Variants in DUOX2 observed in about 807,000 individuals in gnomAD.
DUOX2 encodes dual oxidase 2.
Under a neutral mutation model 183.3 loss-of-function variants are expected in DUOX2, and 185 were observed. The observed-to-expected ratio is 1.01, with a 90% CI of 0.90 to 1.14. DUOX2 has a LOEUF of 1.14. Ranked by LOEUF, DUOX2 falls within the 50% of genes most tolerant of loss-of-function variation. DUOX2 has a pLI of 0.00. For synonymous variants in DUOX2, 788 were observed against 812.4 expected (o/e 0.97, Z 0.51); for missense variants, 1,999 against 2,022.9 (o/e 0.99, Z 0.23).
rs374103492 is a variant in DUOX2 at position 45,097,640 on chromosome 15, G to T, written c.3667C>A (p.His1223Asn). The change falls in exon 28 of 34, where the codon CAC becomes AAC. Residue 1223 changes from histidine to asparagine, a missense_variant. This residue lies in a region of DUOX2 where 1,628 missense variants were observed against 1,608.6 expected (regional missense o/e 1.01). Transcript: ENST00000389039. ...AGGGCATAGAGCAGGATGTAGAGGT[G>T]GTGGGTCAGCCAGAAGCCCCGGAAG... is the stretch of plus-strand genomic sequence containing the variant. ...RSFRGFWLTH[H>N]LYILLYALLI... 14 of 1,613,904 alleles carry T rather than the reference G, an allele frequency of 8.7e-6. No individual in the cohort carries two copies. The South Asian group carries it at 9.9e-5, about 11-fold the overall frequency.
rs1015715892 is a variant in DUOX2, at chr15:45,095,676, G to A, written c.4081-81C>T. The A allele has an allele frequency of 6.2e-6, 10 of 1,601,254 alleles. No homozygotes were observed. In the East Asian group the frequency reaches 2.2e-4, roughly 36 times the overall value. ...AGAAACGGAGACACAGGCAGAGGGA[G>A]GATACAGAACATCCTAGTCTTTTCT... On this transcript the variant is annotated intron_variant, in intron 30 of 33. Coordinates refer to ENST00000389039, the MANE Select transcript of DUOX2 (RefSeq NM_001363711.2).
intron 11 of DUOX2, 79 bp downstream of exon 11, chr15:45,109,445 G>T: frequency 8.1e-7 from 1 of 1,232,858 alleles, no homozygotes; most frequent in Non-Finnish European, 1.2e-6. Flanking sequence ...GAGCGCCCTA[G>T]GTCTGCTATT....
rs886051192 is a variant in DUOX2, at chr15:45,099,489, G to A, written c.3416-7C>T. 3 of 1,613,552 alleles carry A rather than the reference G, an allele frequency of 1.9e-6. No homozygotes were observed. The highest frequency in any genetic ancestry group is 2.2e-5 in the East Asian group (1 of 44,864). On this transcript the variant is annotated splice_polypyrimidine_tract_variant and splice_region_variant and intron_variant, in intron 25 of 33. Transcript: ENST00000389039. ...TGGCCAGCACTGTGCAAAACTGGAAGAGACAGACCCTGTTAGAGATGCCAA... is the reference window on the plus strand; with the variant it reads ...TGGCCAGCACTGTGCAAAACTGGAAAAGACAGACCCTGTTAGAGATGCCAA...
intron 33 of DUOX2, 66 bp downstream of exon 33, chr15:45,094,497 C>T: frequency 1.3e-6 from 2 of 1,565,476 alleles, no homozygotes. Flanking sequence ...TGGCAGGGTG[C>T]TTCAGGGCCA....
Position 45,110,648 on chromosome 15 carries a change from A to C in DUOX2, c.943+2T>G. The C allele has an allele frequency of 6.2e-7, 1 of 1,612,800 alleles. No homozygotes were observed. Among genetic ancestry groups the C allele is most frequent in the South Asian group, 1.1e-5 (1 of 91,012 alleles). On this transcript the variant is annotated splice_donor_variant, in intron 8 of 33. Coordinates refer to ENST00000389039, the MANE Select transcript of DUOX2 (RefSeq NM_001363711.2). LOFTEE classifies it high-confidence loss of function. ...AGGTGTCCTCCTTCCCCGCTCCCTC[A>C]CCTGTATACTCCGGGAGTGTTTTCT...
Position 45,106,242 on chromosome 15 carries a change from C to T in DUOX2, c.2031G>A (p.Arg677=), listed in dbSNP as rs199896919. The T allele has an allele frequency of 8.1e-6, 13 of 1,614,108 alleles. No individual in the cohort carries two copies. The highest frequency in any genetic ancestry group is 1.1e-5 in the Non-Finnish European group (13 of 1,180,018). ...LSDRCLQVLN[R]HLTVLRVVQL... ...GGACCACACGGAGCACAGTGAGATG[C>T]CTGTTCAGGACCTGCAGACACCTGT... Residue 677 remains arginine, a synonymous_variant, in exon 17 of 34, where the codon AGG becomes AGA. Transcript: ENST00000389039.
Position 45,098,036 on chromosome 15 carries a change from A to G in DUOX2, c.3538T>C (p.Tyr1180His). Residue 1180 changes from tyrosine to histidine, a missense_variant, in exon 27 of 34, where the codon TAT (tyrosine) becomes CAT (histidine). Tyr to His is a moderately conservative substitution (Grantham distance 83, BLOSUM62 2). This residue lies in a region of DUOX2 where 1,628 missense variants were observed against 1,608.6 expected (regional missense o/e 1.01). Transcript: ENST00000389039. ...GGGACGGTCTGGAAGAACCACCAAT[A>G]GAACTTCTGGGGAAGCTTGGACCTG... ...NDGSKLPQKF[Y>H]WWFFQTVPGM... The G allele has an allele frequency of 1.9e-6, 3 of 1,614,086 alleles. No homozygotes were observed. Among genetic ancestry groups the G allele is most frequent in the Non-Finnish European group, 2.5e-6 (3 of 1,179,974 alleles).
At chr15:45,104,923 C>T (rs371774939) in intron 18 of DUOX2, among the ~76,000 whole-genome samples, 185 of 152,288 alleles carry the variant, frequency 1.2e-3, no homozygotes, top group African/African-American at 4.2e-3. Context: ...CGGGTTCAAG[C>T]GATTCTCCTG....
At chr15:45,107,280 C>G in intron 14 of DUOX2, 65 bp downstream of exon 14, 1 of 1,591,576 alleles carries the variant, frequency 6.3e-7, no homozygotes, top group Non-Finnish European at 8.6e-7. Context: ...GTGATTCCCC[C>G]GCACCCTCAA....
At chr15:45,109,745 TG>T in intron 10 of DUOX2, 119 bp from the exon 11 acceptor site, 2 of 1,319,682 alleles carry the variant, frequency 1.5e-6, no homozygotes, top group Non-Finnish European at 2.2e-6. Context: ...TCTCTTGAAC[TG>T]TTGTCCCCGG....
chr15:45,099,494 A>C lies in DUOX2; in HGVS notation c.3416-12T>G. ...AGCACTGTGCAAAACTGGAAGAGAC[A>C]GACCCTGTTAGAGATGCCAACCAGG... On this transcript the variant is annotated splice_polypyrimidine_tract_variant and intron_variant, in intron 25 of 33. Coordinates refer to ENST00000389039, the MANE Select transcript of DUOX2 (RefSeq NM_001363711.2). 6.2e-7 allele frequency: 1 copy of C among 1,613,010 alleles called. No individual in the cohort carries two copies. Among genetic ancestry groups the C allele is most frequent in the Non-Finnish European group, 8.5e-7 (1 of 1,179,386 alleles).
chr15:45,104,496 C>A lies in DUOX2; in HGVS notation c.2335-131G>T. 5 of 1,224,976 alleles carry A rather than the reference C, an allele frequency of 4.1e-6. No individual in the cohort carries two copies. The South Asian group carries it at 7.2e-5, about 18-fold the overall frequency. The allele number at this position is 1,224,976 out of a possible 1,614,324, so 75.9% of individuals were successfully genotyped here. ...CTAAACTCTGATGGTTCTCCTGATC[C>A]TTAGATATACTGACTGGGGCCTCTG... is the stretch of plus-strand genomic sequence containing the variant. On this transcript the variant is annotated intron_variant, in intron 18 of 33. Coordinates refer to ENST00000389039, the MANE Select transcript of DUOX2 (RefSeq NM_001363711.2).
At chr15:45,110,850 T>C (rs1894373870) in intron 7 of DUOX2, 140 bp from the exon 8 acceptor site, 2 of 1,261,026 alleles carry the variant, frequency 1.6e-6, no homozygotes, top group Admixed American at 4.2e-5. Flanking sequence ...ACAGGAGCAG[T>C]GTGAGGCCTG....
intron 11 of DUOX2, 171 bp downstream of exon 11, chr15:45,109,353 C>CAA (rs11362140): frequency 3.4e-4 from 192 of 570,548 alleles, no homozygotes; most frequent in Middle Eastern, 4.5e-4. Flanking sequence ...GTAAATTAAG[C>CAA]AAAAAAAAAA....
Position 45,111,970 on chromosome 15 carries a change from C to A in DUOX2, c.326-15G>T, listed in dbSNP as rs775801675. ...AACATGGTAGCCTGCGGGCATGGGG[C>A]GCCAATACGTGACAAACCGTCCGTA... is the stretch of plus-strand genomic sequence containing the variant. On this transcript the variant is annotated splice_polypyrimidine_tract_variant and intron_variant, in intron 4 of 33. Coordinates refer to ENST00000389039, the MANE Select transcript of DUOX2 (RefSeq NM_001363711.2). 43 of 1,612,488 alleles carry A rather than the reference C, an allele frequency of 2.7e-5. No individual in the cohort carries two copies. Among genetic ancestry groups the A allele is most frequent in the Admixed American group, 1.7e-5 (1 of 59,900 alleles).
intron 2 of DUOX2, 119 bp from the exon 3 acceptor site, chr15:45,113,195 C>T (rs1161163486): frequency 4.2e-6 from 6 of 1,440,182 alleles, no homozygotes; most frequent in Non-Finnish European, 5.7e-6. Context: ...ACCCAAGTGT[C>T]GGGCCGCACT....
chr15:45,097,091 A>G, intron 29 of DUOX2, 147 bp downstream of exon 29: 1 of 1,208,644 alleles, frequency 8.3e-7, no homozygotes, highest in Non-Finnish European at 1.2e-6. Flanking sequence ...AACCTTCAGG[A>G]ACCCCCGAGA....
chr15:45,108,334 C>T (rs1315587764), intron 12 of DUOX2, 112 bp from the exon 13 acceptor site: 13 of 1,295,622 alleles, frequency 1.0e-5, no homozygotes. Flanking sequence ...GCTGCTCAGG[C>T]CTGATTTCCT....
Position 45,111,971 on chromosome 15 carries a change from G to T in DUOX2, c.326-16C>A, listed in dbSNP as rs773057183. 6.2e-7 allele frequency: 1 copy of T among 1,612,470 alleles called. No individual in the cohort carries two copies. The highest frequency in any genetic ancestry group is 2.2e-5 in the East Asian group (1 of 44,830). ...ACATGGTAGCCTGCGGGCATGGGGC[G>T]CCAATACGTGACAAACCGTCCGTAT... On this transcript the variant is annotated splice_polypyrimidine_tract_variant and intron_variant, in intron 4 of 33. Coordinates refer to ENST00000389039, the MANE Select transcript of DUOX2 (RefSeq NM_001363711.2).
Sources: allele counts gnomAD v4.1 joint callset (sites outside exome capture counted in the v4.1 genomes callset), GRCh38; gene constraint gnomAD v4.1.1; regional missense constraint gnomAD v4.1.1; transcripts MANE v1.5; gene names NCBI Gene and HGNC (gene_info 2026-07-23, HGNC 2026-07-21).